The following DCDC2C variants were observed in gnomAD, a reference collection of about 807,000 sequenced individuals.
DCDC2C encodes the protein doublecortin domain-containing protein 2C.
Under a neutral mutation model 45.0 loss-of-function variants are expected in DCDC2C, and 44 were observed. The ratio of observed to expected loss-of-function variants is 0.98; its 90% CI spans 0.77 to 1.26. The LOEUF (loss-of-function observed/expected upper bound fraction) is 1.26, where lower values mean the gene tolerates loss of function less well. Among genes scored for constraint, DCDC2C ranks in the 50% most tolerant of loss-of-function variants. The probability of loss-of-function intolerance (pLI) is 0.00; values close to 1 mark genes in which losing one functional copy is unlikely to be tolerated. For synonymous variants in DCDC2C, 187 were observed against 178.8 expected (o/e 1.05, Z -0.37); for missense variants, 447 against 468.9 (o/e 0.95, Z 0.43).
chr2:3,838,953 T>C (rs1672146519), intron 10 of DCDC2C, among the ~76,000 whole-genome samples: 1 of 152,222 alleles, frequency 6.6e-6, no homozygotes, highest in South Asian at 2.1e-4. Flanking sequence ...TTGGTTTTGC[T>C]CTGTTTTTCA....
Position 3,769,271 on chromosome 2 carries a change from C to G in DCDC2C, c.854-40C>G, listed in dbSNP as rs375372748. The G allele has an allele frequency of 2.2e-5, 34 of 1,533,154 alleles. No individual in the cohort carries two copies. The African/African-American group carries it at 3.3e-4, about 15-fold the overall frequency. 95.0% of individuals were successfully genotyped at this position (1,533,154 alleles called of 1,614,324 possible). A position where few individuals can be genotyped will look rare whatever the true frequency, so the allele number is the denominator to read the frequency against. ...AAATATGCAGTGGACTCCAGCTTCTCCATGGGTTTCAAAAGTTTGTCTGTG... is the reference window on the plus strand; with the variant it reads ...AAATATGCAGTGGACTCCAGCTTCTGCATGGGTTTCAAAAGTTTGTCTGTG... On this transcript the variant is annotated intron_variant, in intron 7 of 10. Transcript: ENST00000399143.
At chr2:3,741,700 C>T (rs545733179) in intron 3 of DCDC2C, among the ~76,000 whole-genome samples, 1 of 148,884 alleles carries the variant, frequency 6.7e-6, no homozygotes, top group Non-Finnish European at 1.5e-5. Flanking sequence ...CACATACACA[C>T]ACACACATAG....
chr2:3,801,075 C>T (rs1020563208), intron 10 of DCDC2C, among the ~76,000 whole-genome samples: 2 of 152,218 alleles, frequency 1.3e-5, no homozygotes, highest in Non-Finnish European at 2.9e-5. Context: ...GAATCCACAA[C>T]CACCTTTTGG....
intron 10 of DCDC2C, among the ~76,000 whole-genome samples, chr2:3,841,706 T>C (rs2148246938): frequency 6.6e-6 from 1 of 152,310 alleles, no homozygotes; most frequent in African/African-American, 2.4e-5. Context: ...AGGAGGGCGC[T>C]AAGTTAGCAC....
chr2:3,742,457 G>A (rs1669245558), intron 4 of DCDC2C, among the ~76,000 whole-genome samples: 1 of 152,104 alleles, frequency 6.6e-6, no homozygotes, highest in African/African-American at 2.4e-5. Context: ...TGGGGGAAAT[G>A]AATGCCATGG....
At chr2:3,778,706 C>A in intron 8 of DCDC2C, 110 bp from the exon 9 acceptor site, 1 of 977,554 alleles carries the variant, frequency 1.0e-6, no homozygotes, top group Non-Finnish European at 1.5e-6. Context: ...ACTTCCCCAG[C>A]TCTACCCATA....
At chr2:3,739,372 T>G (rs6720916) in intron 3 of DCDC2C, among the ~76,000 whole-genome samples, 371 of 148,672 alleles carry the variant, frequency 2.5e-3, no homozygotes, top group African/African-American at 8.7e-3. Context: ...GCCCAAATGT[T>G]GCATTTCCCA....
intron 10 of DCDC2C, among the ~76,000 whole-genome samples, chr2:3,820,212 G>A (rs1485724482): frequency 1.3e-5 from 2 of 152,170 alleles, no homozygotes; most frequent in African/African-American, 2.4e-5. Flanking sequence ...GAAATCAGAA[G>A]TGCCATTTTC....
At chr2:3,723,115 A>G (rs1469736882) in intron 2 of DCDC2C, among the ~76,000 whole-genome samples, 1 of 152,114 alleles carries the variant, frequency 6.6e-6, no homozygotes, top group Non-Finnish European at 1.5e-5. Context: ...TTCCCTAGTC[A>G]TGGTAGCATT....
chr2:3,725,481 G>GT, intron 2 of DCDC2C, among the ~76,000 whole-genome samples: 1 of 100,740 alleles, frequency 9.9e-6, no homozygotes, highest in East Asian at 3.0e-4. Flanking sequence ...GGATCCCAGA[G>GT]GAAGACGAGC....
chr2:3,824,087 G>T (rs760377173), intron 10 of DCDC2C, among the ~76,000 whole-genome samples: 1 of 152,192 alleles, frequency 6.6e-6, no homozygotes, highest in Admixed American at 6.5e-5. Context: ...GCTCACTCCC[G>T]GTCTGAAGTT....
At chr2:3,785,660 T>C (rs1360260110) in intron 10 of DCDC2C, among the ~76,000 whole-genome samples, 1 of 152,140 alleles carries the variant, frequency 6.6e-6, no homozygotes, top group Non-Finnish European at 1.5e-5. Context: ...CCGTCAGCAA[T>C]AGCTCTGTCC....
At chr2:3,708,944 G>C (rs959980670) in intron 2 of DCDC2C, among the ~76,000 whole-genome samples, 1 of 152,192 alleles carries the variant, frequency 6.6e-6, no homozygotes, top group African/African-American at 2.4e-5. Flanking sequence ...CAATGCTGAA[G>C]CTAATTATAA....
At chr2:3,705,935 A>G (rs1668054353) in intron 1 of DCDC2C, among the ~76,000 whole-genome samples, 1 of 152,280 alleles carries the variant, frequency 6.6e-6, no homozygotes, top group South Asian at 2.1e-4. Flanking sequence ...TCTATTATCC[A>G]TGCATCTTCA....
chr2:3,846,403 A>G (rs1672330603), intron 10 of DCDC2C, among the ~76,000 whole-genome samples: 1 of 152,102 alleles, frequency 6.6e-6, no homozygotes, highest in Admixed American at 6.5e-5. Flanking sequence ...TACAGGCATG[A>G]GCCACCACGT....
chr2:3,807,036 C>T (rs1377817333), intron 10 of DCDC2C, among the ~76,000 whole-genome samples: 1 of 152,014 alleles, frequency 6.6e-6, no homozygotes, highest in Non-Finnish European at 1.5e-5. Context: ...CTTGGTTGTC[C>T]AGCTCCAGAG....
chr2:3,826,044 A>G (rs1671808113), intron 10 of DCDC2C, among the ~76,000 whole-genome samples: 1 of 152,220 alleles, frequency 6.6e-6, no homozygotes, highest in South Asian at 2.1e-4. Flanking sequence ...TGCCCTTAAG[A>G]CACACCACAA....
At chr2:3,750,435 TG>T (rs1669511654) in intron 4 of DCDC2C, among the ~76,000 whole-genome samples, 1 of 152,160 alleles carries the variant, frequency 6.6e-6, no homozygotes, top group Non-Finnish European at 1.5e-5. Context: ...TTTCTTGGCG[TG>T]GGTGTCTGTG....
intron 8 of DCDC2C, among the ~76,000 whole-genome samples, chr2:3,772,163 G>T (rs962109180): frequency 6.6e-6 from 1 of 152,168 alleles, no homozygotes; most frequent in Non-Finnish European, 1.5e-5. Flanking sequence ...GGTTGAAGAA[G>T]GGAACCTCAT....
Sources: gnomAD v4.1 joint callset for allele counts (sites outside exome capture counted in the v4.1 genomes callset) on GRCh38, gnomAD v4.1.1 for gene constraint, MANE v1.5 for transcripts, NCBI Gene and HGNC (gene_info 2026-07-23, HGNC 2026-07-21) for gene names.